TFCP2: variants seen among roughly 807,000 people sequenced by gnomAD.
TFCP2 encodes transcription factor CP2.
TFCP2 carries 33 observed loss-of-function variants against 73.4 expected under a neutral mutation model. The ratio of observed to expected loss-of-function variants is 0.45; its 90% CI spans 0.34 to 0.60. The LOEUF is 0.60. Among genes scored for constraint, TFCP2 ranks in the 20% least tolerant of loss-of-function variants. The pLI, the probability that TFCP2 is intolerant of heterozygous loss-of-function variation, is 0.01. For synonymous variants in TFCP2, 193 were observed against 211.6 expected, an observed-to-expected ratio of 0.91 and a Z score of 0.76; for missense variants, 352 against 604.0, an observed-to-expected ratio of 0.58 and a Z score of 4.37.
At chr12:51,154,094 T>G (rs1393961160) in intron 1 of TFCP2, among the ~76,000 whole-genome samples, 1 of 152,378 alleles carries the variant, frequency 6.6e-6, no homozygotes, top group South Asian at 2.1e-4. Context: ...TTCCATTGTA[T>G]GTACTTACAA....
At chr12:51,097,666 T>C (rs1040845587) in intron 13 of TFCP2, among the ~76,000 whole-genome samples, 1 of 152,160 alleles carries the variant, frequency 6.6e-6, no homozygotes, top group Non-Finnish European at 1.5e-5. Flanking sequence ...TTAAAAACTT[T>C]ATTTCAAACA....
At chr12:51,130,174 A>T (rs1307371613) in intron 1 of TFCP2, among the ~76,000 whole-genome samples, 8 of 151,984 alleles carry the variant, frequency 5.3e-5, no homozygotes, top group African/African-American at 1.7e-4. Flanking sequence ...AAATAACATT[A>T]AAAAAAGAAG....
At chr12:51,145,062 A>C (rs535579158) in intron 1 of TFCP2, among the ~76,000 whole-genome samples, 1 of 152,164 alleles carries the variant, frequency 6.6e-6, no homozygotes, top group South Asian at 2.1e-4. Context: ...TTAGCTGGGC[A>C]TGGTGGTGGG....
rs10542898 is a variant in TFCP2, at chr12:51,093,833, AACACACACACACACAC to A, written c.*1392_*1407del. The A allele has an allele frequency of 6.7e-6, 1 of 149,462 alleles. No homozygotes were observed. The highest frequency in any genetic ancestry group is 2.1e-4 in the South Asian group (1 of 4,730). The allele number at this position is 149,462 out of a possible 1,614,324, so 9.3% of individuals were successfully genotyped here. On this transcript the variant is annotated 3_prime_UTR_variant, in exon 15 of 15. Transcript: ENST00000257915. ...CATTTAAACCTTATCAAATGCTTTA[AACACACACACACACAC>A]ACACACACACAAATCCAAATCCAAT...
intron 1 of TFCP2, among the ~76,000 whole-genome samples, chr12:51,128,453 T>C (rs1047263706): frequency 8.8e-5 from 13 of 147,408 alleles, no homozygotes; most frequent in African/African-American, 3.3e-4. Context: ...TGTGCACATG[T>C]ACCCTAAAAC....
chr12:51,167,688 C>A (rs1941783208), intron 1 of TFCP2, among the ~76,000 whole-genome samples: 1 of 152,158 alleles, frequency 6.6e-6, no homozygotes. Flanking sequence ...ACCACCATGC[C>A]TGGCCTGATT....
intron 1 of TFCP2, among the ~76,000 whole-genome samples, chr12:51,124,401 A>AT (rs1186881897): frequency 6.6e-6 from 1 of 151,320 alleles, no homozygotes; most frequent in Non-Finnish European, 1.5e-5. Flanking sequence ...CTAATTGGTT[A>AT]TTTTTTTCTT....
rs1356678112 is a variant in TFCP2 at position 51,116,357 on chromosome 12, C to A, written c.415G>T (p.Gly139Cys). 1 of 1,610,308 alleles carries A rather than the reference C, an allele frequency of 6.2e-7. No homozygotes were observed. Among genetic ancestry groups the A allele is most frequent in the Non-Finnish European group, 8.5e-7 (1 of 1,177,868 alleles). ...TCTCCAGGTCGGTTCCACCTCCAGC[C>A]CTCTAGCTGCTGATGCTCAGTGTAC... ...LQYTEHQQLEGWRWNRPGDRI... is the reference protein window; with the variant it reads ...LQYTEHQQLECWRWNRPGDRI... Residue 139 changes from glycine to cysteine, a missense_variant, in exon 4 of 15, where the codon GGC becomes TGC. Gly to Cys is a radical substitution (Grantham distance 159, BLOSUM62 -3). Coordinates refer to ENST00000257915, the MANE Select transcript of TFCP2 (RefSeq NM_005653.5).
chr12:51,124,667 CTCCA>C (rs1343612346), intron 1 of TFCP2: 1 of 603,702 alleles, frequency 1.7e-6, no homozygotes, highest in African/African-American at 1.8e-5. Context: ...ACTTGCACAG[CTCCA>C]TCAGGCCGTC....
At chr12:51,107,453 G>T in intron 6 of TFCP2, 107 bp from the exon 7 acceptor site, 1 of 826,250 alleles carries the variant, frequency 1.2e-6, no homozygotes, top group Non-Finnish European at 2.0e-6. Context: ...TGTATGTGCA[G>T]TGATGTAAAG....
chr12:51,142,379 G>T (rs191339381), intron 1 of TFCP2, among the ~76,000 whole-genome samples: 1 of 151,114 alleles, frequency 6.6e-6, no homozygotes, highest in Non-Finnish European at 1.5e-5. Context: ...TCTTCTTTAC[G>T]GGTCTGCATG....
At chr12:51,096,190 TAA>T in intron 13 of TFCP2, 150 bp from the exon 14 acceptor site, 1 of 617,790 alleles carries the variant, frequency 1.6e-6, no homozygotes, top group Non-Finnish European at 2.7e-6. Context: ...TCTAGGATCA[TAA>T]AAGTTTTTTC....
intron 1 of TFCP2, among the ~76,000 whole-genome samples, chr12:51,135,663 G>C (rs1011061737): frequency 6.6e-6 from 1 of 152,066 alleles, no homozygotes; most frequent in Admixed American, 6.6e-5. Context: ...TCCAAATGAG[G>C]AGGAGGGATT....
chr12:51,167,449 G>A (rs1941778120), intron 1 of TFCP2, among the ~76,000 whole-genome samples: 1 of 151,868 alleles, frequency 6.6e-6, no homozygotes, highest in East Asian at 1.9e-4. Flanking sequence ...CTGGAGTGCA[G>A]TGGCTCGATC....
intron 11 of TFCP2, among the ~76,000 whole-genome samples, chr12:51,099,999 C>T (rs977051812): frequency 1.4e-4 from 21 of 152,070 alleles, no homozygotes; most frequent in African/African-American, 5.1e-4. Flanking sequence ...ATCATATAAA[C>T]CTCTGAACTT....
rs567822548 is a variant in TFCP2, at chr12:51,170,926, C to T, written c.122+1375G>A. Among the ~76,000 whole-genome samples the T allele has an allele frequency of 2.0e-5, 3 of 151,946 alleles. No individual in the cohort carries two copies. The East Asian group carries it at 5.8e-4, about 30-fold the overall frequency. On this transcript the variant is annotated intron_variant, in intron 1 of 14. Coordinates refer to ENST00000257915, the MANE Select transcript of TFCP2 (RefSeq NM_005653.5). The stretch of plus-strand genomic sequence containing the variant: ...AACTCCTGACCTCGTGATCCGCCCA[C>T]CTCAGCCTACCAAAGTGCTGGGATT...
At chr12:51,125,331 A>C in intron 1 of TFCP2, 1 of 513,752 alleles carries the variant, frequency 1.9e-6, no homozygotes, top group Non-Finnish European at 3.8e-6. Flanking sequence ...ACATTATATA[A>C]GGCAGAGTTC....
At chr12:51,105,469 C>T (rs1215778813) in intron 8 of TFCP2, among the ~76,000 whole-genome samples, 1 of 152,120 alleles carries the variant, frequency 6.6e-6, no homozygotes, top group Non-Finnish European at 1.5e-5. Flanking sequence ...AAAAGTTTAA[C>T]TAGTATGAAG....
At chr12:51,169,046 C>T (rs369408674) in intron 1 of TFCP2, among the ~76,000 whole-genome samples, 1 of 151,916 alleles carries the variant, frequency 6.6e-6, no homozygotes, top group Admixed American at 6.6e-5. Flanking sequence ...AGGGGATCCA[C>T]CCACCTCAGT....
Sources: allele counts gnomAD v4.1 joint callset (sites outside exome capture counted in the v4.1 genomes callset), GRCh38; gene constraint gnomAD v4.1.1; transcripts MANE v1.5; gene names NCBI Gene and HGNC (gene_info 2026-07-23, HGNC 2026-07-21).